The following KCNC1 variants were observed in gnomAD, a reference collection of about 807,000 sequenced individuals.
The protein encoded by KCNC1 is potassium voltage-gated channel subfamily C member 1.
In KCNC1, 8 loss-of-function variants were observed where a neutral mutation model predicts 43.4. That is an observed-to-expected ratio of 0.18 (90% CI 0.11 to 0.33). The LOEUF is 0.33. Among genes scored for constraint, KCNC1 ranks in the 10% least tolerant of loss-of-function variants. The pLI is 1.00. For synonymous variants in KCNC1, 361 were observed against 360.5 expected (o/e 1.00, Z -0.01); for missense variants, 420 against 836.0 (o/e 0.50, Z 6.14).
At chr11:17,737,238 G>C (rs942288714) in intron 1 of KCNC1, among the ~76,000 whole-genome samples, 4 of 152,154 alleles carry the variant, frequency 2.6e-5, no homozygotes, top group African/African-American at 7.2e-5. Context: ...GTCCGTCTGA[G>C]CCCCCGATCC....
chr11:17,751,124 G>A (rs1848964401), intron 1 of KCNC1, among the ~76,000 whole-genome samples: 2 of 152,226 alleles, frequency 1.3e-5, no homozygotes, highest in Admixed American at 1.3e-4. Context: ...AGACCATCCA[G>A]AAGAGAGCAA....
intron 2 of KCNC1, among the ~76,000 whole-genome samples, chr11:17,778,234 G>C (rs1048672508): frequency 2.0e-5 from 3 of 152,182 alleles, no homozygotes; most frequent in African/African-American, 4.8e-5. Context: ...AGCTCCAGAG[G>C]CTTCCACGGC....
At position 17,745,173 on chromosome 11, in the gene KCNC1, C is replaced by T. The variant is rs575939521; in HGVS notation, c.570+8601C>T. 2.5e-4 allele frequency among the ~76,000 whole-genome samples: 38 copies of T among 152,272 alleles called. No homozygotes were observed. The East Asian group carries it at 3.7e-3, about 15-fold the overall frequency. On this transcript the variant is annotated intron_variant, in intron 1 of 3. Coordinates refer to ENST00000265969, the MANE Select transcript of KCNC1 (RefSeq NM_001112741.2). The stretch of plus-strand genomic sequence containing the variant: ...GGCAGCGGCTCCAGTCGAGGGCCAG[C>T]CTCAGGACACAGAGGGCTGGATGGG...
rs887886933 is a variant in KCNC1, at chr11:17,781,614, G to A, written c.1694-56G>A. The A allele has an allele frequency of 1.6e-5, 19 of 1,206,924 alleles. No homozygotes were observed. Among genetic ancestry groups the A allele is most frequent in the South Asian group, 1.5e-4 (11 of 75,482 alleles). 74.8% of individuals were successfully genotyped at this position (1,206,924 alleles called of 1,614,324 possible). A position where few individuals can be genotyped will look rare whatever the true frequency, so the allele number is the denominator to read the frequency against. Reference sequence around the variant, plus strand: ...CCTTCTTAAAAACTAAGTACCAAGCGGGATGGGAGAGCCAAGAAGAGAAGC... The same window carrying A: ...CCTTCTTAAAAACTAAGTACCAAGCAGGATGGGAGAGCCAAGAAGAGAAGC... On this transcript the variant is annotated intron_variant, in intron 3 of 3. Transcript: ENST00000265969. The surrounding 1 kb of genome is among the most constrained non-coding windows in gnomAD (Gnocchi z 5.1).
chr11:17,746,087 C>T (rs1010479172), intron 1 of KCNC1, among the ~76,000 whole-genome samples: 1 of 152,174 alleles, frequency 6.6e-6, no homozygotes, highest in African/African-American at 2.4e-5. Context: ...GGGTTCAAGG[C>T]CGAGGGCAGA....
At chr11:17,744,574 C>T (rs556336886) in intron 1 of KCNC1, among the ~76,000 whole-genome samples, 57 of 152,270 alleles carry the variant, frequency 3.7e-4, no homozygotes, top group African/African-American at 1.3e-3. Context: ...ACCCATTGCC[C>T]GCTTCTCCAG....
At chr11:17,752,339 C>A (rs1302876838) in intron 1 of KCNC1, among the ~76,000 whole-genome samples, 2 of 152,244 alleles carry the variant, frequency 1.3e-5, no homozygotes, top group Non-Finnish European at 2.9e-5. Context: ...GCCCGGCGAT[C>A]TCCCTGGGAA....
In KCNC1 at chr11:17,739,444, G is replaced by A. The variant is rs536096755; in HGVS notation, c.570+2872G>A. Among the ~76,000 whole-genome samples the A allele has an allele frequency of 2.0e-5, 3 of 148,496 alleles. No homozygotes were observed. Among genetic ancestry groups the A allele is most frequent in the Non-Finnish European group, 3.0e-5 (2 of 67,440 alleles). ...CGAGCTTCCTGAGTCCTTGTGTCAG[G>A]GGTTGTGTGTGTGAGAGAGGCGGAT... On this transcript the variant is annotated intron_variant, in intron 1 of 3. Transcript: ENST00000265969. The surrounding 1 kb of genome is among the most constrained non-coding windows in gnomAD (Gnocchi z 4.2).
chr11:17,765,429 G>A (rs539790432), intron 1 of KCNC1, among the ~76,000 whole-genome samples: 7 of 152,286 alleles, frequency 4.6e-5, no homozygotes, highest in African/African-American at 1.7e-4. Context: ...TTCAGGGGTG[G>A]GGTTATGGTA....
Position 17,773,087 on chromosome 11 carries a change from G to A in KCNC1, c.1504+489G>A, listed in dbSNP as rs977684393. The A allele has an allele frequency of 2.0e-6, 2 of 995,996 alleles. No individual in the cohort carries two copies. The highest frequency in any genetic ancestry group is 2.4e-6 in the Non-Finnish European group (2 of 836,768). 61.7% of individuals were successfully genotyped at this position (995,996 alleles called of 1,614,324 possible). A position where few individuals can be genotyped will look rare whatever the true frequency, so the allele number is the denominator to read the frequency against. On this transcript the variant is annotated intron_variant, in intron 2 of 3. Transcript: ENST00000265969. This position sits in a 1 kb window ranked among gnomAD's most constrained non-coding sequence, Gnocchi z 4.1. Reference sequence around the variant, plus strand: ...GATGGTGCATGGGATCTGGGCAGGAGGGTCCCTTGCAAAGGCAGGTGCAAG... The same window carrying A: ...GATGGTGCATGGGATCTGGGCAGGAAGGTCCCTTGCAAAGGCAGGTGCAAG...
In KCNC1 at chr11:17,773,015, T is replaced by C; in HGVS notation, c.1504+417T>C. On this transcript the variant is annotated intron_variant, in intron 2 of 3. Transcript: ENST00000265969. This position sits in a 1 kb window ranked among gnomAD's most constrained non-coding sequence, Gnocchi z 4.1. ...TGATTTGGAAACGCTAGACAGCCTTTGATCTGGTCCTTACCATGGCTCCCT... is the reference window on the plus strand; with the variant it reads ...TGATTTGGAAACGCTAGACAGCCTTCGATCTGGTCCTTACCATGGCTCCCT... 3 of 1,053,232 alleles carry C rather than the reference T, an allele frequency of 2.8e-6. No homozygotes were observed. The highest frequency in any genetic ancestry group is 3.4e-6 in the Non-Finnish European group (3 of 873,222). The allele number at this position is 1,053,232 out of a possible 1,614,324, so 65.2% of individuals were successfully genotyped here.
intron 2 of KCNC1, chr11:17,775,545 T>C: frequency 1.0e-6 from 1 of 985,558 alleles, no homozygotes; most frequent in Non-Finnish European, 1.2e-6. Flanking sequence ...TGCCTAGGGC[T>C]GAGGGGCCCA....
intron 1 of KCNC1, among the ~76,000 whole-genome samples, chr11:17,753,598 C>T (rs1299344330): frequency 6.6e-6 from 1 of 152,166 alleles, no homozygotes; most frequent in Non-Finnish European, 1.5e-5. Flanking sequence ...AAACCAGCCG[C>T]TAAACTGCCT....
At chr11:17,765,523 A>G (rs780660053) in intron 1 of KCNC1, among the ~76,000 whole-genome samples, 69 of 152,332 alleles carry the variant, frequency 4.5e-4, no homozygotes, top group Non-Finnish European at 8.5e-4. Context: ...CAACAGCTTC[A>G]CCACCCTGGT....
At position 17,777,355 on chromosome 11, in the gene KCNC1, C is replaced by T; in HGVS notation, c.1505-2101C>T. On this transcript the variant is annotated intron_variant, in intron 2 of 3. Coordinates refer to ENST00000265969, the MANE Select transcript of KCNC1 (RefSeq NM_001112741.2). The surrounding 1 kb of genome is among the most constrained non-coding windows in gnomAD (Gnocchi z 4.3). ...ACTCAGCAAGTCCTCACTCCCCTCCCAGAAGGAGACGCTGCCTGGGAGGAC... is the reference window on the plus strand; with the variant it reads ...ACTCAGCAAGTCCTCACTCCCCTCCTAGAAGGAGACGCTGCCTGGGAGGAC... The T allele has an allele frequency of 1.0e-6, 1 of 985,908 alleles. No individual in the cohort carries two copies. The highest frequency in any genetic ancestry group is 4.7e-5 in the South Asian group (1 of 21,286). The allele number at this position is 985,908 out of a possible 1,614,324, so 61.1% of individuals were successfully genotyped here. A position where few individuals can be genotyped will look rare whatever the true frequency, so the allele number is the denominator to read the frequency against.
At chr11:17,775,991 G>T in intron 2 of KCNC1, 5 of 985,372 alleles carry the variant, frequency 5.1e-6, no homozygotes, top group Non-Finnish European at 6.0e-6. Context: ...GGAGGGGGGA[G>T]GGAGCTGGGC....
chr11:17,747,049 C>T (rs754310186), intron 1 of KCNC1, among the ~76,000 whole-genome samples: 14 of 152,188 alleles, frequency 9.2e-5, no homozygotes, highest in Non-Finnish European at 1.8e-4. Flanking sequence ...AATCGTCACC[C>T]GTTACCCACC....
chr11:17,746,277 C>T (rs1848898741), intron 1 of KCNC1, among the ~76,000 whole-genome samples: 7 of 152,212 alleles, frequency 4.6e-5, no homozygotes, highest in Admixed American at 4.6e-4. Flanking sequence ...GTGTCACCAC[C>T]CAGGCCCAGA....
At chr11:17,767,291 AAAAAAAAAAGAAAAG>A (rs1849163521) in intron 1 of KCNC1, among the ~76,000 whole-genome samples, 3 of 151,112 alleles carry the variant, frequency 2.0e-5, no homozygotes, top group Non-Finnish European at 4.4e-5. Context: ...TCTCAAAAAA[AAAAAAAAAAGAAAAG>A]AAAAGAAAAG....
Sources: allele counts gnomAD v4.1 joint callset (sites outside exome capture counted in the v4.1 genomes callset), GRCh38; gene constraint gnomAD v4.1.1; non-coding constraint Gnocchi (gnomAD v3.1); transcripts MANE v1.5; gene names NCBI Gene and HGNC (gene_info 2026-07-23, HGNC 2026-07-21).